SH3RF1: variants seen among roughly 807,000 people sequenced by gnomAD.
The protein encoded by SH3RF1 is E3 ubiquitin-protein ligase SH3RF1.
SH3RF1 carries 32 observed loss-of-function variants against 74.0 expected under a neutral mutation model. That is an observed-to-expected ratio of 0.43 (90% CI 0.33 to 0.58). SH3RF1 has a LOEUF of 0.58. SH3RF1 is among the 20% of genes least tolerant of loss of function. SH3RF1 has a pLI of 0.05. For synonymous variants in SH3RF1, 396 were observed against 439.6 expected (o/e 0.90, Z 1.24); for missense variants, 954 against 1,130.9 (o/e 0.84, Z 2.24).
intron 2 of SH3RF1, among the ~76,000 whole-genome samples, chr4:169,172,896 A>G (rs1359603648): frequency 6.6e-6 from 1 of 152,212 alleles, no homozygotes; most frequent in Non-Finnish European, 1.5e-5. Flanking sequence ...AGGGTAGGAG[A>G]GAAGAGAGAG....
chr4:169,243,259 G>C (rs1730942201), intron 2 of SH3RF1, among the ~76,000 whole-genome samples: 1 of 152,148 alleles, frequency 6.6e-6, no homozygotes, highest in Non-Finnish European at 1.5e-5. Context: ...TTTAAAATTA[G>C]AACTGAACTT....
chr4:169,148,195 A>C (rs1733923518), intron 4 of SH3RF1, among the ~76,000 whole-genome samples: 2 of 152,204 alleles, frequency 1.3e-5, no homozygotes, highest in African/African-American at 4.8e-5. Flanking sequence ...AACCATTAGG[A>C]ATGCTAGTTA....
intron 11 of SH3RF1, 89 bp downstream of exon 11, chr4:169,106,757 TG>T: frequency 9.2e-7 from 1 of 1,087,186 alleles, no homozygotes. Context: ...TAGGAAGATG[TG>T]GCAAAACATC....
chr4:169,169,842 C>G (rs536228481), intron 2 of SH3RF1, among the ~76,000 whole-genome samples: 2 of 152,108 alleles, frequency 1.3e-5, no homozygotes, highest in East Asian at 1.9e-4. Flanking sequence ...ATCCTCCTGT[C>G]GTAGCCTCCT....
intron 10 of SH3RF1, among the ~76,000 whole-genome samples, 173 bp downstream of exon 10, chr4:169,116,096 C>T (rs546373983): frequency 1.3e-5 from 2 of 152,090 alleles, no homozygotes; most frequent in Non-Finnish European, 2.9e-5. Context: ...GTGGTGCCTG[C>T]GTTTCTTCCC....
At chr4:169,097,140 G>C (rs1011910081) in intron 11 of SH3RF1, among the ~76,000 whole-genome samples, 2 of 152,200 alleles carry the variant, frequency 1.3e-5, no homozygotes, top group African/African-American at 4.8e-5. Flanking sequence ...AGGCTAAGGA[G>C]GCTCTGCTCC....
intron 2 of SH3RF1, among the ~76,000 whole-genome samples, chr4:169,226,264 T>C (rs192347773): frequency 2.0e-4 from 31 of 152,278 alleles, no homozygotes; most frequent in Admixed American, 4.6e-4. Context: ...TATATTTTGT[T>C]TCTGAAATTA....
chr4:169,227,081 G>A (rs1200728280), intron 2 of SH3RF1, among the ~76,000 whole-genome samples: 1 of 151,994 alleles, frequency 6.6e-6, no homozygotes, highest in African/African-American at 2.4e-5. Flanking sequence ...CAGGAGGATT[G>A]CTTGAGCCCA....
At chr4:169,181,383 C>T (rs896577351) in intron 2 of SH3RF1, among the ~76,000 whole-genome samples, 17 of 151,846 alleles carry the variant, frequency 1.1e-4, no homozygotes, top group African/African-American at 3.9e-4. Flanking sequence ...CTGCCTCAGC[C>T]TCCTGACTAG....
At chr4:169,108,141 T>C (rs1733178825) in intron 10 of SH3RF1, among the ~76,000 whole-genome samples, 1 of 152,236 alleles carries the variant, frequency 6.6e-6, no homozygotes, top group Admixed American at 6.5e-5. Flanking sequence ...ATGATCCTTT[T>C]AAATTGTTTT....
intron 4 of SH3RF1, among the ~76,000 whole-genome samples, chr4:169,144,012 G>GAGTT (rs763710575): frequency 6.6e-6 from 1 of 152,216 alleles, no homozygotes; most frequent in Non-Finnish European, 1.5e-5. Context: ...GTTTAGGTTA[G>GAGTT]AGTTAGGTCT....
rs111837776 is a variant in SH3RF1, at chr4:169,131,435, G to A, written c.1069-1279C>T. On this transcript the variant is annotated intron_variant, in intron 5 of 11. Transcript: ENST00000284637. ...TATGTCACACTTCTTATTAGACAGA[G>A]TCTCACTATGTTGAGCAGGCTGGTC... Among the ~76,000 whole-genome samples, 1,242 of 152,198 alleles carry A rather than the reference G, an allele frequency of 8.2e-3. 23 individuals are homozygous for A. The highest frequency in any genetic ancestry group is 0.029 in the African/African-American group (1,185 of 41,536).
At chr4:169,142,105 A>G (rs139721224) in intron 4 of SH3RF1, among the ~76,000 whole-genome samples, 1 of 152,218 alleles carries the variant, frequency 6.6e-6, no homozygotes, top group African/African-American at 2.4e-5. Context: ...GGTGTGAGCC[A>G]CTGCACCTGG....
chr4:169,196,253 T>C (rs1206593031), intron 2 of SH3RF1, among the ~76,000 whole-genome samples: 1 of 152,248 alleles, frequency 6.6e-6, no homozygotes, highest in Admixed American at 6.5e-5. Flanking sequence ...AAGTCCTCAC[T>C]TAACATCATC....
At chr4:169,153,808 A>C (rs1734009890) in intron 4 of SH3RF1, among the ~76,000 whole-genome samples, 1 of 152,208 alleles carries the variant, frequency 6.6e-6, no homozygotes, top group African/African-American at 2.4e-5. Context: ...AAAGAAAAGA[A>C]GCAGAATGAA....
At chr4:169,153,648 A>G (rs1249587774) in intron 4 of SH3RF1, among the ~76,000 whole-genome samples, 1 of 152,200 alleles carries the variant, frequency 6.6e-6, no homozygotes. Context: ...ACTAGGTGTC[A>G]CTAATCCCTA....
chr4:169,150,317 T>C (rs1023449187), intron 4 of SH3RF1, among the ~76,000 whole-genome samples: 15 of 152,228 alleles, frequency 9.9e-5, no homozygotes, highest in Non-Finnish European at 2.1e-4. Flanking sequence ...TGAAAATTCA[T>C]CTCAGAAAGA....
intron 2 of SH3RF1, among the ~76,000 whole-genome samples, chr4:169,251,219 C>T (rs1449452658): frequency 6.6e-6 from 1 of 152,156 alleles, no homozygotes; most frequent in African/African-American, 2.4e-5. Context: ...CTGATATCCT[C>T]AAAATGCTTT....
At position 169,269,225 on chromosome 4, in the gene SH3RF1, T is replaced by C. The variant is rs775351838; in HGVS notation, c.-13A>G. The stretch of plus-strand genomic sequence containing the variant: ...CTGATTCATCCATCTTTATCTACTT[T>C]ACTGAGAAAAAATCTTCAGAAATGT... On this transcript the variant is annotated 5_prime_UTR_variant, in exon 2 of 12. Coordinates refer to ENST00000284637, the MANE Select transcript of SH3RF1 (RefSeq NM_020870.4). 16 of 1,542,912 alleles carry C rather than the reference T, an allele frequency of 1.0e-5. No individual in the cohort carries two copies. The highest frequency in any genetic ancestry group is 2.3e-5 in the East Asian group (1 of 44,360).
Sources: gnomAD v4.1 joint callset for allele counts (sites outside exome capture counted in the v4.1 genomes callset) on GRCh38, gnomAD v4.1.1 for gene constraint, MANE v1.5 for transcripts, NCBI Gene and HGNC (gene_info 2026-07-23, HGNC 2026-07-21) for gene names.